Variants in IFT74 observed in about 807,000 individuals in gnomAD.
IFT74 encodes intraflagellar transport 74.
A neutral mutation model predicts 96.7 loss-of-function variants in IFT74; 92 were observed. The observed-to-expected ratio is 0.95, with a 90% CI of 0.80 to 1.13. IFT74 has a LOEUF of 1.13. Among genes scored for constraint, IFT74 ranks in the 50% most tolerant of loss-of-function variants. IFT74 has a pLI of 0.00. For missense variants in IFT74, 811 were observed against 698.2 expected, an observed-to-expected ratio of 1.16 and a Z score of -1.82; for synonymous variants, 223 against 213.2, an observed-to-expected ratio of 1.05 and a Z score of -0.40.
Position 27,048,148 on chromosome 9 carries a change from A to T in IFT74, c.1207A>T (p.Asn403Tyr). Reference protein sequence around the residue: ...IVALLEHCSRNINRIEQISSI... With the variant: ...IVALLEHCSRYINRIEQISSI... ...TATTTTTATTTCTCTGCAAATGCAG[A>T]ATATAAATCGTATAGAACAGATATC... Residue 403 changes from asparagine (N) to tyrosine (Y), a missense_variant and splice_region_variant, in exon 16 of 20, where the codon AAT (asparagine) becomes TAT (tyrosine). Physicochemically the swap from Asn to Tyr is moderately radical, Grantham distance 143. Coordinates refer to ENST00000380062, the MANE Select transcript of IFT74 (RefSeq NM_025103.4). 6.4e-7 allele frequency: 1 copy of T among 1,560,096 alleles called. No individual in the cohort carries two copies. Among genetic ancestry groups the T allele is most frequent in the Non-Finnish European group, 8.7e-7 (1 of 1,153,386 alleles).
Position 27,044,654 on chromosome 9 carries a change from G to T in IFT74, c.1055-88G>T, listed in dbSNP as rs370854844. 116 of 741,482 alleles carry T rather than the reference G, an allele frequency of 1.6e-4. No individual in the cohort carries two copies. The East Asian group carries it at 1.8e-3, about 11-fold the overall frequency. The allele number at this position is 741,482 out of a possible 1,614,324, so 45.9% of individuals were successfully genotyped here. A position where few individuals can be genotyped will look rare whatever the true frequency, so the allele number is the denominator to read the frequency against. On this transcript the variant is annotated intron_variant, in intron 13 of 19. Coordinates refer to ENST00000380062, the MANE Select transcript of IFT74 (RefSeq NM_025103.4). Reference sequence around the variant, plus strand: ...CACGTCGAATAGTCAATGACTAATGGCATAGAGAGAACCAAAGAGAGATTT... The same window carrying T: ...CACGTCGAATAGTCAATGACTAATGTCATAGAGAGAACCAAAGAGAGATTT...
intron 8 of IFT74, among the ~76,000 whole-genome samples, chr9:26,992,131 C>A (rs547320224): frequency 1.3e-5 from 2 of 152,032 alleles, no homozygotes; most frequent in Admixed American, 1.3e-4. Flanking sequence ...TCATTTATCT[C>A]AAAGTTATAT....
intron 2 of IFT74, among the ~76,000 whole-genome samples, chr9:26,968,989 T>C (rs1369095033): frequency 6.6e-6 from 1 of 152,142 alleles, no homozygotes; most frequent in Non-Finnish European, 1.5e-5. Flanking sequence ...GATTCTTTCA[T>C]ATGCATTATT....
chr9:26,963,643 T>C (rs958403615), intron 2 of IFT74, among the ~76,000 whole-genome samples: 2 of 151,862 alleles, frequency 1.3e-5, no homozygotes, highest in Admixed American at 6.6e-5. Flanking sequence ...TTTTTAATGA[T>C]CGCCATTCTA....
chr9:26,998,135 C>G, intron 8 of IFT74: 1 of 1,610,330 alleles, frequency 6.2e-7, no homozygotes, highest in Non-Finnish European at 8.5e-7. Context: ...TGTGTCTGTA[C>G]CATTAAGAGT....
chr9:26,949,630 G>A (rs1269760545), intron 1 of IFT74, among the ~76,000 whole-genome samples: 1 of 152,156 alleles, frequency 6.6e-6, no homozygotes, highest in South Asian at 2.1e-4. Context: ...AAATGTTGCA[G>A]CAGGGAAAGA....
chr9:27,030,479 C>T (rs57770546), intron 13 of IFT74, among the ~76,000 whole-genome samples: 16,704 of 139,574 alleles, frequency 0.12, 1,114 homozygotes, highest in Middle Eastern at 0.27. Context: ...ACCCAGGAGG[C>T]GGAGGTTGCA....
intron 2 of IFT74, among the ~76,000 whole-genome samples, chr9:26,968,181 T>C (rs1826710715): frequency 2.6e-5 from 4 of 151,950 alleles, no homozygotes; most frequent in Admixed American, 1.3e-4. Flanking sequence ...TAGTTCTTTT[T>C]TAAATGTTTG....
intron 2 of IFT74, among the ~76,000 whole-genome samples, chr9:26,965,297 A>G (rs941722906): frequency 6.6e-6 from 1 of 152,212 alleles, no homozygotes; most frequent in African/African-American, 2.4e-5. Flanking sequence ...GCAGAGGGCC[A>G]ATACTCAACC....
At chr9:26,980,725 A>T (rs928733686) in intron 4 of IFT74, 106 bp downstream of exon 4, 22 of 639,774 alleles carry the variant, frequency 3.4e-5, no homozygotes, top group African/African-American at 3.4e-4. Context: ...CTAGGCACTT[A>T]TTAGGATAAT....
chr9:27,004,311 T>C (rs781224189), intron 8 of IFT74, among the ~76,000 whole-genome samples: 6 of 152,228 alleles, frequency 3.9e-5, no homozygotes, highest in Non-Finnish European at 7.3e-5. Context: ...ATTGGATAGA[T>C]CTTGGAAGCA....
intron 6 of IFT74, among the ~76,000 whole-genome samples, chr9:26,988,200 C>T (rs1224666103): frequency 2.0e-5 from 3 of 152,156 alleles, no homozygotes; most frequent in East Asian, 3.9e-4. Flanking sequence ...GATCCGCCCG[C>T]GTCAGCCTCC....
intron 6 of IFT74, among the ~76,000 whole-genome samples, chr9:26,985,115 A>G (rs1016639406): frequency 2.0e-5 from 3 of 152,204 alleles, no homozygotes; most frequent in African/African-American, 7.2e-5. Flanking sequence ...ATGAAATACT[A>G]TGCAGTCATA....
At chr9:27,004,554 A>G (rs762121609) in intron 8 of IFT74, among the ~76,000 whole-genome samples, 84 of 152,214 alleles carry the variant, frequency 5.5e-4, no homozygotes, top group Non-Finnish European at 7.9e-4. Flanking sequence ...GGTGTCTTTA[A>G]AAAAAGAAAA....
chr9:26,948,448 A>ATTATTATTATTATTT (rs1825819541), intron 1 of IFT74, among the ~76,000 whole-genome samples: 1 of 59,162 alleles, frequency 1.7e-5, no homozygotes, highest in African/African-American at 5.4e-5. Context: ...GCTTTCCATT[A>ATTATTATTATTATTT]TTTTTTTTTT....
chr9:26,996,226 A>G, intron 8 of IFT74: 1 of 837,862 alleles, frequency 1.2e-6, no homozygotes, highest in Non-Finnish European at 1.7e-6. Flanking sequence ...TACATTTTTT[A>G]TACAAATTTA....
At chr9:27,038,990 G>T (rs1370074010) in intron 13 of IFT74, among the ~76,000 whole-genome samples, 1 of 152,204 alleles carries the variant, frequency 6.6e-6, no homozygotes, top group East Asian at 1.9e-4. Flanking sequence ...TTAAACGCTT[G>T]AAGATTCTTC....
At chr9:26,973,354 T>G (rs1407476320) in intron 2 of IFT74, among the ~76,000 whole-genome samples, 1 of 152,056 alleles carries the variant, frequency 6.6e-6, no homozygotes, top group African/African-American at 2.4e-5. Context: ...GAGTCCATCT[T>G]TAATGAGACT....
At chr9:26,976,761 T>A (rs946635055) in intron 2 of IFT74, 1 of 455,950 alleles carries the variant, frequency 2.2e-6, no homozygotes, top group African/African-American at 2.0e-5. Context: ...ATATCTCACA[T>A]CTTTTATATC....
Sources: gnomAD v4.1 joint callset for allele counts (sites outside exome capture counted in the v4.1 genomes callset) on GRCh38, gnomAD v4.1.1 for gene constraint, MANE v1.5 for transcripts, NCBI Gene and HGNC (gene_info 2026-07-23, HGNC 2026-07-21) for gene names.